The following CLDN14 variants were observed in gnomAD, a reference collection of about 807,000 sequenced individuals.
CLDN14 encodes the protein claudin 14, also known as claudin-14.
Under a neutral mutation model 2.1 loss-of-function variants are expected in CLDN14, and 2 were observed. The observed-to-expected ratio is 0.96, with a 90% CI of 0.39 to 3.01. The LOEUF (loss-of-function observed/expected upper bound fraction) is 3.01, where lower values mean the gene tolerates loss of function less well. CLDN14 is among the 30% of genes most tolerant of loss of function. The pLI, the probability that CLDN14 is intolerant of heterozygous loss-of-function variation, is 0.09. For synonymous variants in CLDN14, 136 were observed against 154.4 expected, an observed-to-expected ratio of 0.88 and a Z score of 0.88; for missense variants, 298 against 328.0, an observed-to-expected ratio of 0.91 and a Z score of 0.71.
At chr21:36,462,524 G>A (rs1168990817) in intron 1 of CLDN14, among the ~76,000 whole-genome samples, 2 of 152,150 alleles carry the variant, frequency 1.3e-5, no homozygotes, top group Admixed American at 1.3e-4. Flanking sequence ...GGCTTTCAGG[G>A]ATATGGGAAT....
At chr21:36,465,500 C>G (rs1349653178) in intron 1 of CLDN14, among the ~76,000 whole-genome samples, 1 of 152,248 alleles carries the variant, frequency 6.6e-6, no homozygotes, top group Non-Finnish European at 1.5e-5. Flanking sequence ...TCCTTACCAG[C>G]AGCTGCTACT....
intron 1 of CLDN14, among the ~76,000 whole-genome samples, chr21:36,555,761 C>T (rs1390521940): frequency 6.6e-6 from 1 of 151,788 alleles, no homozygotes; most frequent in Admixed American, 6.6e-5. Flanking sequence ...TGAACACACA[C>T]AGCCAGGCAT....
At chr21:36,553,832 T>C (rs1568879749) in intron 1 of CLDN14, among the ~76,000 whole-genome samples, 1 of 152,150 alleles carries the variant, frequency 6.6e-6, no homozygotes. Context: ...GCCCACATCA[T>C]TCCATCTGTG....
chr21:36,506,671 C>T (rs1472649642), intron 2 of CLDN14, among the ~76,000 whole-genome samples: 1 of 151,868 alleles, frequency 6.6e-6, no homozygotes, highest in Non-Finnish European at 1.5e-5. Flanking sequence ...CACAAAAAGC[C>T]GTTCACAGCG....
At chr21:36,464,336 T>C (rs531717742) in intron 1 of CLDN14, among the ~76,000 whole-genome samples, 1 of 152,348 alleles carries the variant, frequency 6.6e-6, no homozygotes, top group African/African-American at 2.4e-5. Context: ...AGGTAGTTCT[T>C]TGACTCAGGT....
At chr21:36,489,117 G>GAAAAA (rs869298653) in intron 2 of CLDN14, among the ~76,000 whole-genome samples, 765 of 56,812 alleles carry the variant, frequency 0.013, 13 homozygotes, top group Non-Finnish European at 0.016. Context: ...CTGTCTCAAA[G>GAAAAA]AAAAAAAAAA....
intron 2 of CLDN14, among the ~76,000 whole-genome samples, chr21:36,503,876 T>C (rs1279125527): frequency 6.6e-6 from 1 of 152,012 alleles, no homozygotes; most frequent in East Asian, 1.9e-4. Flanking sequence ...AGATGCTCAA[T>C]AAATATTACT....
intron 2 of CLDN14, among the ~76,000 whole-genome samples, chr21:36,488,717 C>T (rs35599107): frequency 0.061 from 9,248 of 151,850 alleles, 537 homozygotes; most frequent in East Asian, 0.29. Context: ...GAGAAAGCTC[C>T]GGAGAGGGAT....
chr21:36,483,511 A>G (rs970183987), upstream of CLDN14, among the ~76,000 whole-genome samples: 7 of 152,230 alleles, frequency 4.6e-5, no homozygotes, highest in Admixed American at 4.6e-4. Flanking sequence ...TGAGGTCCAG[A>G]GAGAGAAGCA....
upstream of CLDN14, among the ~76,000 whole-genome samples, chr21:36,482,407 TAGAC>T (rs751562517): frequency 0.041 from 4,872 of 119,988 alleles, 83 homozygotes; most frequent in Admixed American, 0.094. Flanking sequence ...GATGGATGGA[TAGAC>T]GGATGGATGG....
At chr21:36,545,878 G>C (rs1030624007) in intron 1 of CLDN14, among the ~76,000 whole-genome samples, 2 of 152,064 alleles carry the variant, frequency 1.3e-5, no homozygotes, top group African/African-American at 4.8e-5. Context: ...TGTCTGCCCA[G>C]GCGGGAGGAG....
chr21:36,463,627 C>T lies in CLDN14; in HGVS notation c.-81-1851G>A, dbSNP rs560510026. On this transcript the variant is annotated intron_variant, in intron 1 of 1. Transcript: ENST00000399135. ...ACTCAGGAGGCTGAGGCAGGAGAAT[C>T]GCTTGAACCGGGAGGCGGAGGTTTC... Among the ~76,000 whole-genome samples, 11 of 152,286 alleles carry T rather than the reference C, an allele frequency of 7.2e-5. No individual in the cohort carries two copies. In the South Asian group the frequency reaches 8.3e-4, roughly 11 times the overall value.
intron 2 of CLDN14, among the ~76,000 whole-genome samples, chr21:36,489,638 A>G (rs942119581): frequency 1.3e-5 from 2 of 152,212 alleles, no homozygotes; most frequent in Non-Finnish European, 2.9e-5. Flanking sequence ...ACAAAGGCCA[A>G]ACCTGTCCTG....
intron 2 of CLDN14, among the ~76,000 whole-genome samples, chr21:36,500,019 AT>A (rs5843765): frequency 0.53 from 81,181 of 151,960 alleles, 22,135 homozygotes; most frequent in Middle Eastern, 0.62. Flanking sequence ...CATGTTGTTC[AT>A]TTATAATGTT....
At chr21:36,548,707 G>T (rs931145623) in intron 1 of CLDN14, among the ~76,000 whole-genome samples, 4 of 152,150 alleles carry the variant, frequency 2.6e-5, no homozygotes, top group African/African-American at 9.7e-5. Flanking sequence ...GACTTCCTTG[G>T]TGCCAAAGGC....
intron 1 of CLDN14, chr21:36,531,986 C>T (rs1028706809): frequency 6.6e-6 from 1 of 152,002 alleles, no homozygotes. Flanking sequence ...GGAAGATGTA[C>T]GTGAAATAAT....
upstream of CLDN14, among the ~76,000 whole-genome samples, chr21:36,483,771 G>T (rs1411028967): frequency 2.6e-5 from 4 of 152,192 alleles, no homozygotes; most frequent in Admixed American, 2.0e-4. Flanking sequence ...CTGGAGAGGG[G>T]TGTTGTGGTT....
At chr21:36,479,200 C>T (rs1190114278) in intron 1 of CLDN14, among the ~76,000 whole-genome samples, 1 of 152,170 alleles carries the variant, frequency 6.6e-6, no homozygotes, top group Non-Finnish European at 1.5e-5. Context: ...CCCAAACAGG[C>T]CTGGTAAGCG....
intron 1 of CLDN14, among the ~76,000 whole-genome samples, chr21:36,539,589 AGTGT>A (rs1176913466): frequency 1.3e-4 from 13 of 103,640 alleles, no homozygotes; most frequent in Non-Finnish European, 1.6e-4. Flanking sequence ...GTGTGGAGTG[AGTGT>A]GTGTGTGGAG....
Sources: gnomAD v4.1 joint callset for allele counts (sites outside exome capture counted in the v4.1 genomes callset) on GRCh38, gnomAD v4.1.1 for gene constraint, MANE v1.5 for transcripts, NCBI Gene and HGNC (gene_info 2026-07-23, HGNC 2026-07-21) for gene names.